Variants in TMEFF1 observed in about 807,000 individuals in gnomAD.
The protein encoded by TMEFF1 is tomoregulin-1.
Under a neutral mutation model 47.5 loss-of-function variants are expected in TMEFF1, and 20 were observed. That is an observed-to-expected ratio of 0.42 (90% CI 0.30 to 0.61). The LOEUF is 0.61. Among genes scored for constraint, TMEFF1 ranks in the 20% least tolerant of loss-of-function variants. TMEFF1 has a pLI of 0.19. For synonymous variants in TMEFF1, 162 were observed against 166.3 expected, an observed-to-expected ratio of 0.97 and a Z score of 0.20; for missense variants, 411 against 471.1, an observed-to-expected ratio of 0.87 and a Z score of 1.18.
intron 7 of TMEFF1, among the ~76,000 whole-genome samples, chr9:100,552,618 C>A (rs551801145): frequency 6.6e-6 from 1 of 152,236 alleles, no homozygotes; most frequent in East Asian, 1.9e-4. Flanking sequence ...AGAGTATTGT[C>A]TGTTATAATA....
intron 7 of TMEFF1, among the ~76,000 whole-genome samples, chr9:100,551,751 T>C (rs1838830459): frequency 6.6e-6 from 1 of 152,250 alleles, no homozygotes; most frequent in South Asian, 2.1e-4. Flanking sequence ...TAGGAAGATA[T>C]CTAAAATATA....
chr9:100,520,070 A>G (rs1269801803), intron 5 of TMEFF1, among the ~76,000 whole-genome samples: 3 of 152,196 alleles, frequency 2.0e-5, no homozygotes, highest in South Asian at 2.1e-4. Context: ...ATTATGACCT[A>G]CAGTTTGAAA....
intron 1 of TMEFF1, among the ~76,000 whole-genome samples, chr9:100,489,422 C>A (rs915735453): frequency 5.3e-5 from 8 of 152,158 alleles, no homozygotes; most frequent in African/African-American, 1.7e-4. Context: ...AACTCCTGGG[C>A]TCAAGCAATC....
chr9:100,518,181 A>T (rs570361062), intron 5 of TMEFF1, among the ~76,000 whole-genome samples: 6 of 152,260 alleles, frequency 3.9e-5, no homozygotes, highest in Admixed American at 2.0e-4. Context: ...ACATCTGCAT[A>T]ATAGGCTGGG....
At chr9:100,515,897 G>A (rs1838062888) in intron 4 of TMEFF1, among the ~76,000 whole-genome samples, 1 of 152,144 alleles carries the variant, frequency 6.6e-6, no homozygotes, top group Non-Finnish European at 1.5e-5. Context: ...TCCTTAAGTT[G>A]ATTTCAGAAC....
At chr9:100,510,034 G>A (rs1008692248) in intron 3 of TMEFF1, among the ~76,000 whole-genome samples, 5 of 152,150 alleles carry the variant, frequency 3.3e-5, no homozygotes, top group Non-Finnish European at 7.4e-5. Context: ...TGGTAAAGGT[G>A]AAGGCCATTC....
chr9:100,484,999 A>G (rs958889219), intron 1 of TMEFF1, among the ~76,000 whole-genome samples: 1 of 152,192 alleles, frequency 6.6e-6, no homozygotes, highest in African/African-American at 2.4e-5. Flanking sequence ...CTTTTGCTGT[A>G]GATTTGTCTA....
At chr9:100,501,594 T>G (rs1837763517) in intron 2 of TMEFF1, among the ~76,000 whole-genome samples, 2 of 152,152 alleles carry the variant, frequency 1.3e-5, no homozygotes, top group African/African-American at 4.8e-5. Flanking sequence ...ATTCATTAAC[T>G]CATAAACTCT....
intron 1 of TMEFF1, among the ~76,000 whole-genome samples, chr9:100,477,837 T>C (rs1298498822): frequency 6.6e-6 from 1 of 152,014 alleles, no homozygotes; most frequent in Non-Finnish European, 1.5e-5. Flanking sequence ...GTGTTGCCCA[T>C]TCTGGTCTCG....
intron 2 of TMEFF1, among the ~76,000 whole-genome samples, chr9:100,500,801 A>G (rs908157919): frequency 2.0e-5 from 3 of 152,112 alleles, no homozygotes; most frequent in African/African-American, 7.2e-5. Context: ...TGTGAATCAT[A>G]TGTTTTAGAG....
chr9:100,521,737 C>A (rs1185490467), intron 5 of TMEFF1, among the ~76,000 whole-genome samples: 1 of 152,200 alleles, frequency 6.6e-6, no homozygotes, highest in African/African-American at 2.4e-5. Flanking sequence ...AATCATCAGG[C>A]CTAATGCCAA....
chr9:100,483,689 G>A (rs1837386144), intron 1 of TMEFF1, among the ~76,000 whole-genome samples: 2 of 151,988 alleles, frequency 1.3e-5, no homozygotes, highest in Non-Finnish European at 2.9e-5. Context: ...GAAAAATGTT[G>A]TAATAGTACA....
At chr9:100,518,313 T>C (rs1170426796) in intron 5 of TMEFF1, 2 of 331,376 alleles carry the variant, frequency 6.0e-6, no homozygotes, top group African/African-American at 2.2e-5. Context: ...CACCTCCTCA[T>C]AGTGTAATAT....
chr9:100,489,673 T>C (rs1837514669), intron 1 of TMEFF1, among the ~76,000 whole-genome samples: 1 of 152,288 alleles, frequency 6.6e-6, no homozygotes, highest in African/African-American at 2.4e-5. Flanking sequence ...GTTTTTAAAA[T>C]AGGCATTAAA....
At chr9:100,565,205 TTTA>T (rs1463475430) in intron 8 of TMEFF1, among the ~76,000 whole-genome samples, 1 of 152,132 alleles carries the variant, frequency 6.6e-6, no homozygotes, top group Non-Finnish European at 1.5e-5. Context: ...GCATATCCAT[TTTA>T]CTTTCTACCT....
chr9:100,562,432 C>T (rs554924810), intron 8 of TMEFF1, among the ~76,000 whole-genome samples: 7 of 152,004 alleles, frequency 4.6e-5, no homozygotes, highest in Admixed American at 3.9e-4. Flanking sequence ...TTTTCACCTG[C>T]CTTTCTCCTG....
At chr9:100,493,405 C>T (rs1837593206) in intron 1 of TMEFF1, among the ~76,000 whole-genome samples, 1 of 152,158 alleles carries the variant, frequency 6.6e-6, no homozygotes. Flanking sequence ...TGGAAGGCTG[C>T]TGGATCTCAT....
chr9:100,547,835 G>A lies in TMEFF1; in HGVS notation c.652G>A (p.Glu218Lys). Reference protein sequence around the residue: ...SSYNNPCFVREASCIKQEQID... With the variant: ...SSYNNPCFVRKASCIKQEQID... ...CTATAACAATCCCTGTTTTGTTCGA[G>A]AAGCATCTTGTATAAAGCAAGAACA... The change falls in exon 6 of 10, where the codon GAA (glutamate) becomes AAA (lysine). Residue 218 changes from glutamate (E) to lysine (K), a missense_variant. Transcript: ENST00000374879. 6.2e-7 allele frequency: 1 copy of A among 1,610,528 alleles called. No homozygotes were observed. The highest frequency in any genetic ancestry group is 8.5e-7 in the Non-Finnish European group (1 of 1,178,880).
In TMEFF1 at chr9:100,498,760, T is replaced by A; in HGVS notation, c.197-5T>A. 3 of 1,611,918 alleles carry A rather than the reference T, an allele frequency of 1.9e-6. No homozygotes were observed. The highest frequency in any genetic ancestry group is 2.5e-6 in the Non-Finnish European group (3 of 1,179,418). On this transcript the variant is annotated splice_polypyrimidine_tract_variant and splice_region_variant and intron_variant, in intron 1 of 9. Coordinates refer to ENST00000374879, the MANE Select transcript of TMEFF1 (RefSeq NM_003692.5). ...TATATGTCAAACAATTTTTTTCTTT[T>A]GCAGAATTAAATGTGAGGGAGTCTG...
Sources: gnomAD v4.1 joint callset for allele counts (sites outside exome capture counted in the v4.1 genomes callset) on GRCh38, gnomAD v4.1.1 for gene constraint, MANE v1.5 for transcripts, NCBI Gene and HGNC (gene_info 2026-07-23, HGNC 2026-07-21) for gene names.